The following LPIN1 variants were observed in gnomAD, a reference collection of about 807,000 sequenced individuals.
LPIN1 encodes the protein lipin 1.
LPIN1 carries 71 observed loss-of-function variants against 107.5 expected under a neutral mutation model. That is an observed-to-expected ratio of 0.66 (90% CI 0.55 to 0.80). LPIN1 has a LOEUF of 0.80. Among genes scored for constraint, LPIN1 ranks in the 30% least tolerant of loss-of-function variants. The pLI, the probability that LPIN1 is intolerant of heterozygous loss-of-function variation, is 0.00. For missense variants in LPIN1, 1,043 were observed against 1,160.6 expected, an observed-to-expected ratio of 0.90 and a Z score of 1.47; for synonymous variants, 445 against 452.6, an observed-to-expected ratio of 0.98 and a Z score of 0.21.
chr2:11,759,123 GCTTT>G (rs1423504538), intron 1 of LPIN1, among the ~76,000 whole-genome samples: 34 of 146,874 alleles, frequency 2.3e-4, no homozygotes, highest in African/African-American at 5.2e-4. Context: ...TAGCTAGCTT[GCTTT>G]CTTTCTTTTC....
At chr2:11,762,688 T>A (rs1238788967) in intron 1 of LPIN1, among the ~76,000 whole-genome samples, 1 of 152,218 alleles carries the variant, frequency 6.6e-6, no homozygotes, top group Non-Finnish European at 1.5e-5. Flanking sequence ...TCTGATCACT[T>A]AGAAATTATA....
intron 18 of LPIN1, 154 bp from the exon 19 acceptor site, chr2:11,819,330 G>A (rs141440864): frequency 6.2e-5 from 39 of 631,002 alleles, no homozygotes; most frequent in African/African-American, 3.5e-4. Flanking sequence ...TTTCCATCTC[G>A]TGCTTTTCTG....
chr2:11,693,968 G>A (rs1662445270), intron 1 of LPIN1, among the ~76,000 whole-genome samples: 1 of 150,286 alleles, frequency 6.7e-6, no homozygotes, highest in South Asian at 2.1e-4. Context: ...CCGAATAGCT[G>A]GGATTACAGG....
In LPIN1 at chr2:11,802,964, C is replaced by T. The variant is rs201628570; in HGVS notation, c.1944C>T (p.Asn648=). 9 of 1,613,380 alleles carry T rather than the reference C, an allele frequency of 5.6e-6. No individual in the cohort carries two copies. In the East Asian group the frequency reaches 6.7e-5, roughly 12 times the overall value. Residue 648 remains asparagine, a synonymous_variant, in exon 15 of 21, where the codon AAC becomes AAT. Transcript: ENST00000674199. ...DEERAAAKPS[N]AGHLPLLPNV... is the part of the protein sequence containing the mutation. ...AGCGCGCAGCTGCCAAGCCATCAAACGCAGGCCACCTCCCTCTTCTGCCTA... is the reference window on the plus strand; with the variant it reads ...AGCGCGCAGCTGCCAAGCCATCAAATGCAGGCCACCTCCCTCTTCTGCCTA...
intron 1 of LPIN1, among the ~76,000 whole-genome samples, chr2:11,687,930 C>T (rs1424216001): frequency 6.6e-6 from 1 of 152,258 alleles, no homozygotes; most frequent in Non-Finnish European, 1.5e-5. Flanking sequence ...GAAACCCAAC[C>T]TGTGCTTGAC....
Position 11,784,886 on chromosome 2 carries a change from C to T in LPIN1, c.1359C>T (p.Asn453=), listed in dbSNP as rs1209279655. ...TCTCTGCCGCTTTTCCTCCTTCCAG[C>T]GGAGATCCTTCCGGACTCGCAAAAC... ...PEVAALYFPK[N]GDPSGLAKHA... The change falls in exon 10 of 21, where the codon AAC becomes AAT. Residue 453 remains asparagine, a splice_region_variant and synonymous_variant. Transcript: ENST00000674199. The T allele has an allele frequency of 1.2e-6, 2 of 1,613,838 alleles. No homozygotes were observed. The highest frequency in any genetic ancestry group is 1.6e-4 in the Middle Eastern group (1 of 6,062).
At position 11,699,069 on chromosome 2, in the gene LPIN1, T is replaced by G. The variant is rs149465153; in HGVS notation, c.82-14687T>G. On this transcript the variant is annotated intron_variant, in intron 1 of 21. Coordinates refer to the LPIN1 transcript ENST00000449576. The stretch of plus-strand genomic sequence containing the variant: ...GAGATTTTTTGCAAAGAAACTCAGT[T>G]TCTTCAATTAAAAAAAATGCAATTT... Among the ~76,000 whole-genome samples the G allele has an allele frequency of 2.6e-3, 403 of 152,312 alleles. 1 individual carries two copies. The highest frequency in any genetic ancestry group is 9.1e-3 in the African/African-American group (379 of 41,578).
At chr2:11,719,791 C>CTTTTTT (rs67142448), upstream of LPIN1, among the ~76,000 whole-genome samples, 1 of 132,806 alleles carries the variant, frequency 7.5e-6, no homozygotes. Flanking sequence ...CCAATTGCTT[C>CTTTTTT]TTTTTTTTTT....
chr2:11,742,528 T>A (rs893348), upstream of LPIN1, among the ~76,000 whole-genome samples: 8,297 of 152,252 alleles, frequency 0.054, 733 homozygotes, highest in African/African-American at 0.19. Context: ...TGACTCATGG[T>A]GATATGCGGG....
intron 2 of LPIN1, among the ~76,000 whole-genome samples, chr2:11,717,469 G>C (rs1663826017): frequency 6.6e-6 from 1 of 151,966 alleles, no homozygotes; most frequent in African/African-American, 2.4e-5. Flanking sequence ...ATTGTTAGAA[G>C]AAATACCACT....
At chr2:11,724,641 A>C in intron 1 of LPIN1, 3 of 985,448 alleles carry the variant, frequency 3.0e-6, no homozygotes, top group Non-Finnish European at 3.6e-6. Context: ...CTGAAAGCTA[A>C]GGTAAAGGGC....
At chr2:11,763,799 T>C (rs1670243316) in intron 1 of LPIN1, among the ~76,000 whole-genome samples, 1 of 151,878 alleles carries the variant, frequency 6.6e-6, no homozygotes, top group African/African-American at 2.4e-5. Context: ...TGCTTCTGCA[T>C]GGACCTCTCG....
At chr2:11,704,709 T>A (rs1309280967) in intron 1 of LPIN1, among the ~76,000 whole-genome samples, 1 of 151,906 alleles carries the variant, frequency 6.6e-6, no homozygotes, top group Non-Finnish European at 1.5e-5. Flanking sequence ...GACAAGGGGG[T>A]AAATGTCTCA....
At chr2:11,679,310 T>G (rs1455662534) in intron 1 of LPIN1, among the ~76,000 whole-genome samples, 1 of 152,184 alleles carries the variant, frequency 6.6e-6, no homozygotes, top group African/African-American at 2.4e-5. Flanking sequence ...AGTCCAACCC[T>G]CGTTCTCTCC....
Position 11,771,578 on chromosome 2 carries a change from C to A in LPIN1, c.495C>A (p.Asp165Glu). The A allele has an allele frequency of 6.2e-7, 1 of 1,613,490 alleles. No individual in the cohort carries two copies. Among genetic ancestry groups the A allele is most frequent in the East Asian group, 2.2e-5 (1 of 44,868 alleles). ...RRKRRRKSQLDSLKRDDNMNT... is the reference protein window; with the variant it reads ...RRKRRRKSQLESLKRDDNMNT... ...AAAGGAGGAGAAAGTCACAGCTGGA[C>A]AGCCTGAAGAGAGATGACAACATGA... The change falls in exon 4 of 21, where the codon GAC becomes GAA. Residue 165 changes from aspartate to glutamate, a missense_variant. Coordinates refer to ENST00000674199, the MANE Select transcript of LPIN1 (RefSeq NM_001349206.2). The surrounding 1 kb of genome is among the most constrained non-coding windows in gnomAD (Gnocchi z 4.8).
chr2:11,756,529 C>T (rs1427400717), intron 1 of LPIN1, among the ~76,000 whole-genome samples: 1 of 152,090 alleles, frequency 6.6e-6, no homozygotes, highest in Admixed American at 6.5e-5. Flanking sequence ...GCTGGGATTA[C>T]AGGCACTCAC....
upstream of LPIN1, among the ~76,000 whole-genome samples, chr2:11,744,292 A>G (rs1290807689): frequency 6.6e-6 from 1 of 152,194 alleles, no homozygotes; most frequent in Admixed American, 6.5e-5. Context: ...CTGGTTGCTG[A>G]TAGCACAGCC....
At chr2:11,680,910 C>A (rs1210153216) in intron 1 of LPIN1, among the ~76,000 whole-genome samples, 3 of 152,334 alleles carry the variant, frequency 2.0e-5, no homozygotes, top group East Asian at 3.9e-4. Context: ...TTGTCAGTTA[C>A]AACTTTTGAT....
intron 1 of LPIN1, among the ~76,000 whole-genome samples, chr2:11,733,435 TAC>T (rs948552370): frequency 5.3e-5 from 8 of 151,758 alleles, no homozygotes; most frequent in African/African-American, 1.9e-4. Context: ...TATTGTCCTA[TAC>T]ACACATAATA....
Sources: gnomAD v4.1 joint callset for allele counts (sites outside exome capture counted in the v4.1 genomes callset) on GRCh38, gnomAD v4.1.1 for gene constraint, Gnocchi (gnomAD v3.1) non-coding constraint, MANE v1.5 for transcripts, NCBI Gene and HGNC (gene_info 2026-07-23, HGNC 2026-07-21) for gene names.